Variants in MAP2 observed in about 807,000 individuals in gnomAD.
The protein encoded by MAP2 is microtubule-associated protein 2.
Under a neutral mutation model 137.6 loss-of-function variants are expected in MAP2, and 14 were observed. The ratio of observed to expected loss-of-function variants is 0.10; its 90% CI spans 0.07 to 0.16. The LOEUF (loss-of-function observed/expected upper bound fraction) is 0.16, where lower values mean the gene tolerates loss of function less well. MAP2 is among the 10% of genes least tolerant of loss of function. The probability of loss-of-function intolerance (pLI) is 1.00; values close to 1 mark genes in which losing one functional copy is unlikely to be tolerated. For missense variants in MAP2, 2,088 were observed against 2,191.5 expected (o/e 0.95, Z 0.94); for synonymous variants, 786 against 782.3 (o/e 1.00, Z -0.08).
intron 2 of MAP2, among the ~76,000 whole-genome samples, chr2:209,560,722 A>G (rs890862767): frequency 2.0e-5 from 3 of 152,030 alleles, no homozygotes; most frequent in Non-Finnish European, 4.4e-5. Context: ...GGGCAAATGG[A>G]TTGTTGTGGG....
chr2:209,608,250 TAA>T (rs2085492198), intron 3 of MAP2, among the ~76,000 whole-genome samples: 1 of 151,938 alleles, frequency 6.6e-6, no homozygotes, highest in African/African-American at 2.4e-5. Flanking sequence ...TACACATATA[TAA>T]GAGGATATTA....
chr2:209,657,820 G>T (rs2041637632), intron 5 of MAP2, among the ~76,000 whole-genome samples: 1 of 152,056 alleles, frequency 6.6e-6, no homozygotes. Flanking sequence ...TGGGGTGTTA[G>T]TCATTATAAT....
At chr2:209,619,364 T>G (rs1250173089) in intron 3 of MAP2, among the ~76,000 whole-genome samples, 1 of 152,150 alleles carries the variant, frequency 6.6e-6, no homozygotes, top group Non-Finnish European at 1.5e-5. Context: ...TGTATACATA[T>G]TTCAAAACAT....
intron 2 of MAP2, among the ~76,000 whole-genome samples, chr2:209,531,916 G>A (rs1029888973): frequency 1.3e-5 from 2 of 152,054 alleles, no homozygotes; most frequent in Admixed American, 1.3e-4. Flanking sequence ...TATAAATGTT[G>A]ATTTGTTTCC....
intron 7 of MAP2, among the ~76,000 whole-genome samples, chr2:209,691,670 T>C (rs1224068641): frequency 6.6e-6 from 1 of 152,156 alleles, no homozygotes; most frequent in Non-Finnish European, 1.5e-5. Context: ...GTTGAATAAA[T>C]AAAAGTAAAA....
intron 4 of MAP2, among the ~76,000 whole-genome samples, chr2:209,638,375 T>TA (rs1264815988): frequency 6.6e-6 from 1 of 152,104 alleles, no homozygotes; most frequent in Non-Finnish European, 1.5e-5. Flanking sequence ...ACTCAACTGA[T>TA]ATCATGAATA....
intron 2 of MAP2, among the ~76,000 whole-genome samples, chr2:209,519,333 G>A (rs747850443): frequency 6.6e-6 from 1 of 152,010 alleles, no homozygotes; most frequent in Non-Finnish European, 1.5e-5. Flanking sequence ...AATTCTTCAG[G>A]TAATTGGGGT....
At chr2:209,596,749 C>T (rs1456071565) in intron 3 of MAP2, among the ~76,000 whole-genome samples, 1 of 152,146 alleles carries the variant, frequency 6.6e-6, no homozygotes, top group Non-Finnish European at 1.5e-5. Flanking sequence ...GAGACTTAGG[C>T]AAAACATGAA....
intron 5 of MAP2, among the ~76,000 whole-genome samples, chr2:209,675,865 C>G (rs984504564): frequency 6.6e-4 from 100 of 151,666 alleles, no homozygotes; most frequent in African/African-American, 2.2e-3. Context: ...ATGCAGGACC[C>G]CCATTTAAGA....
At chr2:209,637,657 C>G (rs1199873902) in intron 4 of MAP2, among the ~76,000 whole-genome samples, 1 of 152,038 alleles carries the variant, frequency 6.6e-6, no homozygotes, top group African/African-American at 2.4e-5. Flanking sequence ...TCACTGGTCC[C>G]TTTTTCTCCT....
At chr2:209,583,059 T>C (rs2076851806) in intron 3 of MAP2, among the ~76,000 whole-genome samples, 1 of 152,042 alleles carries the variant, frequency 6.6e-6, no homozygotes, top group African/African-American at 2.4e-5. Flanking sequence ...TGCAATAAGG[T>C]TAAAACAGTA....
At chr2:209,469,188 C>A (rs1357328485) in intron 1 of MAP2, among the ~76,000 whole-genome samples, 1 of 152,164 alleles carries the variant, frequency 6.6e-6, no homozygotes, top group East Asian at 1.9e-4. Context: ...TCTCTTGAGT[C>A]AGCTTACCAC....
rs753331341 is a variant in MAP2 at position 209,710,176 on chromosome 2, A to G, written c.4995A>G (p.Gln1665=). ...ATPKQLRLIN[Q]PLPDLKNVKS... ...CCAAGCAGCTTCGGCTTATTAACCA[A>G]CCACTGCCAGACCTGAAGAATGTCA... Residue 1665 remains glutamine, a synonymous_variant, in exon 13 of 16, where the codon CAA becomes CAG. Transcript: ENST00000682079. 5.0e-6 allele frequency: 8 copies of G among 1,613,348 alleles called. No homozygotes were observed. In the Admixed American group the frequency reaches 5.0e-5, roughly 10 times the overall value.
intron 1 of MAP2, among the ~76,000 whole-genome samples, chr2:209,447,976 T>G (rs1699478740): frequency 6.6e-6 from 1 of 152,140 alleles, no homozygotes; most frequent in South Asian, 2.1e-4. Context: ...CTTGAAAACG[T>G]GTTAGAAATG....
intron 3 of MAP2, among the ~76,000 whole-genome samples, chr2:209,599,349 C>T (rs962063957): frequency 5.3e-5 from 8 of 151,908 alleles, no homozygotes; most frequent in Non-Finnish European, 8.8e-5. Context: ...TGGATATTAG[C>T]CCTTTGTCAG....
intron 2 of MAP2, among the ~76,000 whole-genome samples, chr2:209,561,256 A>G (rs186747766): frequency 2.0e-5 from 3 of 152,320 alleles, no homozygotes; most frequent in Middle Eastern, 3.4e-3. Context: ...AAGAATGTCA[A>G]ATGCCTGTGT....
At chr2:209,638,229 C>G (rs1177104284) in intron 4 of MAP2, among the ~76,000 whole-genome samples, 2 of 152,042 alleles carry the variant, frequency 1.3e-5, no homozygotes, top group Admixed American at 6.6e-5. Flanking sequence ...CTAGAATTCA[C>G]TCTGGGGCAC....
intron 4 of MAP2, among the ~76,000 whole-genome samples, chr2:209,632,651 C>T (rs2093197430): frequency 6.6e-6 from 1 of 152,160 alleles, no homozygotes; most frequent in Non-Finnish European, 1.5e-5. Flanking sequence ...CACAAACACA[C>T]ATGTCCCTCT....
chr2:209,579,785 CG>C, intron 2 of MAP2: 1 of 151,996 alleles, frequency 6.6e-6, no homozygotes, highest in African/African-American at 2.4e-5. Context: ...AATTTTATTT[CG>C]TTTCATTTTC....
Sources: allele counts gnomAD v4.1 joint callset (sites outside exome capture counted in the v4.1 genomes callset), GRCh38; gene constraint gnomAD v4.1.1; transcripts MANE v1.5; gene names NCBI Gene and HGNC (gene_info 2026-07-23, HGNC 2026-07-21).